Variants in UTRN observed in about 807,000 individuals in gnomAD.
The protein encoded by UTRN is dystrophin-related protein 1.
UTRN carries 283 observed loss-of-function variants against 463.9 expected under a neutral mutation model. That is an observed-to-expected ratio of 0.61 (90% confidence interval 0.55 to 0.67). The LOEUF (loss-of-function observed/expected upper bound fraction) is 0.67, where lower values mean the gene tolerates loss of function less well. Ranked by LOEUF, UTRN falls within the 30% of genes least tolerant of loss-of-function variation. UTRN has a pLI of 0.00. For missense variants in UTRN, 3,922 were observed against 4,084.3 expected, an observed-to-expected ratio of 0.96 and a Z score of 1.08; for synonymous variants, 1,442 against 1,431.5, an observed-to-expected ratio of 1.01 and a Z score of -0.17.
intron 14 of UTRN, among the ~76,000 whole-genome samples, chr6:144,446,260 A>G (rs1478088737): frequency 6.6e-6 from 1 of 152,158 alleles, no homozygotes; most frequent in Non-Finnish European, 1.5e-5. Flanking sequence ...CATTTTAACT[A>G]TACCTTTTGT....
rs761223133 is a variant in UTRN at position 144,836,468 on chromosome 6, G to C, written c.9992G>C (p.Arg3331Thr). Residue 3331 changes from arginine to threonine, a missense_variant, in exon 71 of 75, where the codon AGG becomes ACG. By Grantham distance (71) the Arg-to-Thr change is moderately conservative. Transcript: ENST00000367545. ...CAGCACAAAGGTCGGCTGGAGGCTA[G>C]GATGCAGATTTTAGAAGATCACAAT... Reference protein sequence around the residue: ...LRQHKGRLEARMQILEDHNKQ... With the variant: ...LRQHKGRLEATMQILEDHNKQ... 1 of 1,614,020 alleles carries C rather than the reference G, an allele frequency of 6.2e-7. No individual in the cohort carries two copies.
chr6:144,567,943 A>G (rs891502804), intron 50 of UTRN, among the ~76,000 whole-genome samples: 2 of 152,312 alleles, frequency 1.3e-5, no homozygotes, highest in East Asian at 3.9e-4. Context: ...AGCTTAAAAT[A>G]TCAAGTATTA....
At chr6:144,736,275 A>C (rs1789384964) in intron 54 of UTRN, among the ~76,000 whole-genome samples, 1 of 152,202 alleles carries the variant, frequency 6.6e-6, no homozygotes. Flanking sequence ...TCAATGTTGG[A>C]GAGGTTAGAT....
intron 53 of UTRN, among the ~76,000 whole-genome samples, chr6:144,703,660 T>C (rs114360091): frequency 6.8e-4 from 104 of 152,238 alleles, no homozygotes; most frequent in African/African-American, 2.5e-3. Flanking sequence ...GGATCAAATA[T>C]TGCTGAGAGG....
intron 2 of UTRN, among the ~76,000 whole-genome samples, chr6:144,356,921 A>G (rs1219013019): frequency 1.3e-5 from 1 of 75,630 alleles, no homozygotes; most frequent in Non-Finnish European, 2.5e-5. Context: ...ACTGTTTATC[A>G]AGACATATTA....
At position 144,349,059 on chromosome 6, in the gene UTRN, G is replaced by A. The variant is rs556843825; in HGVS notation, c.80-54064G>A. ...GAGTCTCGCTCTGTCGCCCAGGCTG[G>A]AGCGCGTGATGGGATCTCGGCTCAC... On this transcript the variant is annotated intron_variant, in intron 2 of 74. Coordinates refer to ENST00000367545, the MANE Select transcript of UTRN (RefSeq NM_007124.3). Among the ~76,000 whole-genome samples, 13 of 152,186 alleles carry A rather than the reference G, an allele frequency of 8.5e-5. No homozygotes were observed. In the South Asian group the frequency reaches 2.3e-3, roughly 27 times the overall value.
intron 14 of UTRN, among the ~76,000 whole-genome samples, chr6:144,446,493 G>A (rs1447196916): frequency 6.6e-6 from 1 of 152,194 alleles, no homozygotes; most frequent in Non-Finnish European, 1.5e-5. Context: ...ATAGAAAAGG[G>A]TTTCCACCCT....
chr6:144,644,728 A>C (rs1585751310), intron 51 of UTRN, among the ~76,000 whole-genome samples: 2 of 152,146 alleles, frequency 1.3e-5, no homozygotes, highest in African/African-American at 4.8e-5. Flanking sequence ...AGTAATAATA[A>C]ATTTGAATTT....
rs117277896 is a variant in UTRN at position 144,827,865 on chromosome 6, A to G, written c.9599+189A>G. 3.9e-3 allele frequency among the ~76,000 whole-genome samples: 597 copies of G among 152,268 alleles called. 3 individuals are homozygous for G. The highest frequency in any genetic ancestry group is 6.2e-3 in the Non-Finnish European group (422 of 68,028). ...GTTTGCACTTTACCAAACACCTGCT[A>G]TATATTCTATGAAAAGTAAACCTAA... On this transcript the variant is annotated intron_variant, in intron 68 of 74. Coordinates refer to ENST00000367545, the MANE Select transcript of UTRN (RefSeq NM_007124.3).
chr6:144,686,845 T>C (rs13199226), intron 52 of UTRN, among the ~76,000 whole-genome samples: 72,682 of 151,588 alleles, frequency 0.48, 19,884 homozygotes, highest in East Asian at 0.88. Flanking sequence ...TCTGCCACTA[T>C]GTCTTTTAGG....
At position 144,730,607 on chromosome 6, in the gene UTRN, G is replaced by A. The variant is rs376628414; in HGVS notation, c.7939+121G>A. On this transcript the variant is annotated intron_variant, in intron 54 of 74. Transcript: ENST00000367545. ...CTAATATTTAAATCTTTTCTTCTAAGTGTTACTTTATTCAAATATGTCATT... is the reference window on the plus strand; with the variant it reads ...CTAATATTTAAATCTTTTCTTCTAAATGTTACTTTATTCAAATATGTCATT... The A allele has an allele frequency of 2.5e-6, 3 of 1,179,422 alleles. No homozygotes were observed. In the African/African-American group the frequency reaches 4.8e-5, roughly 19 times the overall value. 73.1% of individuals were successfully genotyped at this position (1,179,422 alleles called of 1,614,324 possible). A position where few individuals can be genotyped will look rare whatever the true frequency, so the allele number is the denominator to read the frequency against.
rs138121311 is a variant in UTRN at position 144,416,565 on chromosome 6, C to A, written c.142-5313C>A. Among the ~76,000 whole-genome samples, 1,437 of 152,292 alleles carry A rather than the reference C, an allele frequency of 9.4e-3. 8 individuals are homozygous for A. Among genetic ancestry groups the A allele is most frequent in the Non-Finnish European group, 0.015 (990 of 68,024 alleles). On this transcript the variant is annotated intron_variant, in intron 3 of 74. Transcript: ENST00000367545. ...CCTTTGTGCTCTAACATTTTAAAAT[C>A]CAGCAGCAGTAGTGTCCCAGCCGCA...
chr6:144,594,303 A>G (rs911511538), intron 51 of UTRN, among the ~76,000 whole-genome samples: 2 of 152,096 alleles, frequency 1.3e-5, no homozygotes, highest in African/African-American at 4.8e-5. Context: ...CACACAACCC[A>G]CTGGTACTCC....
chr6:144,479,666 A>C (rs1189266796), intron 25 of UTRN, 146 bp from the exon 26 acceptor site: 1 of 901,540 alleles, frequency 1.1e-6, no homozygotes, highest in South Asian at 1.9e-5. Context: ...CAGCGTTAGC[A>C]TGAGATGTAT....
At chr6:144,844,074 T>G (rs1345144629) in intron 73 of UTRN, among the ~76,000 whole-genome samples, 8 of 152,204 alleles carry the variant, frequency 5.3e-5, no homozygotes, top group African/African-American at 1.9e-4. Flanking sequence ...AGTTCTGCTA[T>G]TCATATTTTT....
chr6:144,566,785 G>A (rs1415027203), intron 50 of UTRN, among the ~76,000 whole-genome samples: 2 of 152,104 alleles, frequency 1.3e-5, no homozygotes, highest in African/African-American at 4.8e-5. Flanking sequence ...GGAGCAGGGA[G>A]GACCCTTATT....
chr6:144,456,408 A>G (rs2128559349), intron 19 of UTRN, among the ~76,000 whole-genome samples: 1 of 152,196 alleles, frequency 6.6e-6, no homozygotes, highest in South Asian at 2.1e-4. Flanking sequence ...TAATCCCAGA[A>G]CTTTGGGAGG....
chr6:144,644,346 C>G (rs1778077304), intron 51 of UTRN, among the ~76,000 whole-genome samples: 1 of 152,056 alleles, frequency 6.6e-6, no homozygotes, highest in Admixed American at 6.6e-5. Flanking sequence ...CAATACTTTT[C>G]TAAACTGAAT....
intron 65 of UTRN, among the ~76,000 whole-genome samples, chr6:144,818,374 G>A (rs1779266237): frequency 6.6e-6 from 1 of 152,118 alleles, no homozygotes; most frequent in African/African-American, 2.4e-5. Context: ...GAAAACCACT[G>A]AAGTGTAAAC....
Sources: gnomAD v4.1 joint callset for allele counts (sites outside exome capture counted in the v4.1 genomes callset) on GRCh38, gnomAD v4.1.1 for gene constraint, MANE v1.5 for transcripts, NCBI Gene and HGNC (gene_info 2026-07-23, HGNC 2026-07-21) for gene names.